AGBL1: variants seen among roughly 807,000 people sequenced by gnomAD.
AGBL1 encodes the protein AGBL carboxypeptidase 1, also known as cytosolic carboxypeptidase 4.
AGBL1 carries 130 observed loss-of-function variants against 118.9 expected under a neutral mutation model. The ratio of observed to expected loss-of-function variants is 1.09; its 90% CI spans 0.95 to 1.26. The LOEUF (loss-of-function observed/expected upper bound fraction) is 1.26. AGBL1 is among the 50% of genes most tolerant of loss of function. The probability of loss-of-function intolerance (pLI) is 0.00; values close to 1 mark genes in which losing one functional copy is unlikely to be tolerated. For synonymous variants in AGBL1, 555 were observed against 478.9 expected, an observed-to-expected ratio of 1.16 and a Z score of -2.08; for missense variants, 1,584 against 1,298.1, an observed-to-expected ratio of 1.22 and a Z score of -3.38.
intron 22 of AGBL1, among the ~76,000 whole-genome samples, chr15:86,693,101 C>G (rs543505378): frequency 6.6e-6 from 1 of 151,976 alleles, no homozygotes; most frequent in South Asian, 2.1e-4. Context: ...CGTATAATGA[C>G]TTCTTTTCTC....
rs762608485 is a variant in AGBL1, at chr15:86,817,626, TAC to T, written c.3159-89441_3159-89440del. ...AGAGAGAGAGAAAAAGAGACAGGCA[TAC>T]ACACACACACACACACACAGACACA... On this transcript the variant is annotated intron_variant, in intron 22 of 22. Coordinates refer to ENST00000614907, the MANE Select transcript of AGBL1 (RefSeq NM_001386094.1). Among the ~76,000 whole-genome samples, 168 of 97,936 alleles carry T rather than the reference TAC, an allele frequency of 1.7e-3. 3 individuals carry two copies. Among genetic ancestry groups the T allele is most frequent in the Middle Eastern group, 6.9e-3 (1 of 144 alleles). The allele number at this position is 97,936 out of a possible 152,430, so 64.2% of individuals were successfully genotyped here.
At chr15:86,544,996 G>A (rs1248077265) in intron 19 of AGBL1, among the ~76,000 whole-genome samples, 2 of 152,142 alleles carry the variant, frequency 1.3e-5, no homozygotes, top group Non-Finnish European at 2.9e-5. Flanking sequence ...CCTCCCTTTA[G>A]GAGGAACGTA....
chr15:86,172,151 G>T (rs903025966), intron 5 of AGBL1, among the ~76,000 whole-genome samples: 4 of 152,118 alleles, frequency 2.6e-5, no homozygotes, highest in African/African-American at 9.7e-5. Flanking sequence ...ACTTATTCAT[G>T]TAATCATCAC....
chr15:87,030,166 T>A (rs1209160519), downstream of AGBL1, among the ~76,000 whole-genome samples: 1 of 151,996 alleles, frequency 6.6e-6, no homozygotes, highest in South Asian at 2.1e-4. Context: ...CCACTATTAC[T>A]TTATGTGTCT....
At chr15:86,993,984 C>T (rs374006582) in intron 24 of AGBL1, among the ~76,000 whole-genome samples, 4 of 152,090 alleles carry the variant, frequency 2.6e-5, no homozygotes, top group Non-Finnish European at 4.4e-5. Flanking sequence ...TCCTGCCAAA[C>T]CCCAAAGTGA....
intron 16 of AGBL1, among the ~76,000 whole-genome samples, chr15:86,286,735 G>GTATATATATATATATATA (rs535707426): frequency 1.3e-4 from 14 of 106,252 alleles, no homozygotes; most frequent in East Asian, 4.9e-4. Flanking sequence ...GTTTGTGTGT[G>GTATATATATATATATATA]TATATATATA....
intron 22 of AGBL1, among the ~76,000 whole-genome samples, chr15:86,729,426 C>A (rs1474586827): frequency 6.6e-6 from 1 of 152,066 alleles, no homozygotes; most frequent in African/African-American, 2.4e-5. Context: ...TTCAACCTAC[C>A]CTGCTTTCCC....
chr15:86,373,317 C>G (rs925263668), intron 17 of AGBL1, among the ~76,000 whole-genome samples: 3 of 152,156 alleles, frequency 2.0e-5, no homozygotes, highest in African/African-American at 4.8e-5. Context: ...GGCACCCTTT[C>G]AACACTTAGA....
At chr15:86,496,872 C>A (rs909286871) in intron 18 of AGBL1, among the ~76,000 whole-genome samples, 1 of 151,922 alleles carries the variant, frequency 6.6e-6, no homozygotes, top group Admixed American at 6.6e-5. Context: ...TTTAAAAATG[C>A]ATCTTTTCCC....
chr15:87,016,220 T>C (rs2081606829), intron 24 of AGBL1, among the ~76,000 whole-genome samples: 2 of 151,732 alleles, frequency 1.3e-5, no homozygotes, highest in Admixed American at 1.3e-4. Context: ...CTAGGACTGA[T>C]ATAAGGCCCA....
In AGBL1 at chr15:86,526,916, G is replaced by C. The variant is rs374749595; in HGVS notation, c.2685+3977G>C. ...GTTGGGTACAATGTACACTATTCAG[G>C]TGATAGGTACACTTAAAGGGGACTT... On this transcript the variant is annotated intron_variant, in intron 19 of 22. Coordinates refer to ENST00000614907, the MANE Select transcript of AGBL1 (RefSeq NM_001386094.1). 5.1e-4 allele frequency among the ~76,000 whole-genome samples: 78 copies of C among 152,186 alleles called. 1 individual carries two copies. The highest frequency in any genetic ancestry group is 1.8e-3 in the African/African-American group (75 of 41,528).
Position 86,522,932 on chromosome 15 carries a change from G to A in AGBL1, c.2678G>A (p.Ser893Asn), listed in dbSNP as rs767658749. 6.2e-6 allele frequency: 10 copies of A among 1,613,874 alleles called. No homozygotes were observed. The highest frequency in any genetic ancestry group is 7.6e-6 in the Non-Finnish European group (9 of 1,179,798). Residue 893 changes from serine to asparagine, a missense_variant, in exon 19 of 23, where the codon AGT becomes AAT. Coordinates refer to ENST00000614907, the MANE Select transcript of AGBL1 (RefSeq NM_001386094.1). ...TACCACCTGAGCAGCATTGGCCGAA[G>A]TCCCGTGGTGAGTCACTTCCTTCTG... Reference protein sequence around the residue: ...LLYHLSSIGRSPVVFCDFHGH... With the variant: ...LLYHLSSIGRNPVVFCDFHGH...
intron 18 of AGBL1, among the ~76,000 whole-genome samples, chr15:86,435,127 A>G (rs2081985812): frequency 1.3e-5 from 2 of 152,244 alleles, no homozygotes; most frequent in South Asian, 4.1e-4. Context: ...GGAAAGGACT[A>G]GAAAGGGAAG....
At chr15:86,328,867 C>G (rs764376701) in intron 17 of AGBL1, among the ~76,000 whole-genome samples, 1 of 152,168 alleles carries the variant, frequency 6.6e-6, no homozygotes, top group African/African-American at 2.4e-5. Context: ...GGACCAAGGA[C>G]AGGACACCGT....
chr15:86,541,616 A>AAAAAAGAG (rs1555423985), intron 19 of AGBL1, among the ~76,000 whole-genome samples: 4 of 97,078 alleles, frequency 4.1e-5, no homozygotes, highest in African/African-American at 1.7e-4. Flanking sequence ...AAAAAAAAAA[A>AAAAAAGAG]AGAGAGAGAG....
At chr15:86,564,164 C>T (rs143104321) in intron 21 of AGBL1, among the ~76,000 whole-genome samples, 2,153 of 152,264 alleles carry the variant, frequency 0.014, 24 homozygotes, top group Middle Eastern at 0.027. Flanking sequence ...TGAATTTGAT[C>T]CTGTCATTAT....
chr15:86,153,775 T>G, intron 3 of AGBL1, among the ~76,000 whole-genome samples: 1 of 152,318 alleles, frequency 6.6e-6, no homozygotes, highest in Admixed American at 6.5e-5. Context: ...TACCTAAAAC[T>G]TAGTTCTAAC....
At chr15:86,490,234 C>T (rs2082762488) in intron 18 of AGBL1, among the ~76,000 whole-genome samples, 1 of 152,076 alleles carries the variant, frequency 6.6e-6, no homozygotes, top group South Asian at 2.1e-4. Flanking sequence ...ATGGGTCCCT[C>T]CCCTTGCTCT....
In AGBL1 at chr15:86,149,223, C is replaced by T. The variant is rs534084491; in HGVS notation, c.263-5207C>T. 3.0e-4 allele frequency among the ~76,000 whole-genome samples: 46 copies of T among 152,176 alleles called. 1 individual carries two copies. In the South Asian group the frequency reaches 4.2e-3, roughly 14 times the overall value. ...GCTAGGAAGAAACTGCATCAATTAACGGGCAAAATAACCAGCTGACATGAT... is the reference window on the plus strand; with the variant it reads ...GCTAGGAAGAAACTGCATCAATTAATGGGCAAAATAACCAGCTGACATGAT... On this transcript the variant is annotated intron_variant, in intron 3 of 22. Transcript: ENST00000614907.
Sources: gnomAD v4.1 joint callset for allele counts (sites outside exome capture counted in the v4.1 genomes callset) on GRCh38, gnomAD v4.1.1 for gene constraint, MANE v1.5 for transcripts, NCBI Gene and HGNC (gene_info 2026-07-23, HGNC 2026-07-21) for gene names.